The following SLC44A5 variants were observed in gnomAD, a reference collection of about 807,000 sequenced individuals.
SLC44A5 encodes the protein solute carrier family 44 member 5, also known as choline transporter-like protein 5.
In SLC44A5, 57 loss-of-function variants were observed where a neutral mutation model predicts 101.8. The ratio of observed to expected loss-of-function variants is 0.56; its 90% CI spans 0.45 to 0.70. The LOEUF is 0.70. SLC44A5 is among the 30% of genes least tolerant of loss of function. The pLI is 0.00. For synonymous variants in SLC44A5, 281 were observed against 290.9 expected, an observed-to-expected ratio of 0.97 and a Z score of 0.35; for missense variants, 737 against 853.1, an observed-to-expected ratio of 0.86 and a Z score of 1.70.
chr1:75,589,077 C>CA (rs1674191405), intron 1 of SLC44A5, among the ~76,000 whole-genome samples: 1 of 152,196 alleles, frequency 6.6e-6, no homozygotes, highest in Non-Finnish European at 1.5e-5. Flanking sequence ...GGAGGAACTG[C>CA]ATTCACGCGC....
At chr1:75,550,473 G>C (rs1671877971) in intron 1 of SLC44A5, among the ~76,000 whole-genome samples, 1 of 152,014 alleles carries the variant, frequency 6.6e-6, no homozygotes, top group African/African-American at 2.4e-5. Flanking sequence ...CACCAGTGAT[G>C]CTTGCAAAAC....
At chr1:75,333,697 TTAA>T (rs1346107941) in intron 4 of SLC44A5, among the ~76,000 whole-genome samples, 3 of 152,098 alleles carry the variant, frequency 2.0e-5, no homozygotes, top group Non-Finnish European at 4.4e-5. Context: ...AATAAAGAGA[TTAA>T]TGTGATCAGT....
chr1:75,705,042 T>C, the SLC44A5 span, among the ~76,000 whole-genome samples: 1 of 152,200 alleles, frequency 6.6e-6, no homozygotes, highest in Non-Finnish European at 1.5e-5. Context: ...TCAGCTGAGA[T>C]AATCATATGT....
At chr1:75,488,026 T>TACATAAGAAGCA (rs1491253394) in intron 2 of SLC44A5, among the ~76,000 whole-genome samples, 1 of 151,606 alleles carries the variant, frequency 6.6e-6, no homozygotes, top group East Asian at 1.9e-4. Context: ...GGGATCTACG[T>TACATAAGAAGCA]TGTATGCTTC....
At chr1:75,478,399 C>A (rs1667580786) in intron 2 of SLC44A5, among the ~76,000 whole-genome samples, 2 of 152,136 alleles carry the variant, frequency 1.3e-5, no homozygotes, top group South Asian at 4.1e-4. Flanking sequence ...TTCACAATAA[C>A]AATATTAACT....
At chr1:75,646,567 C>T in the SLC44A5 span, among the ~76,000 whole-genome samples, 1 of 152,052 alleles carries the variant, frequency 6.6e-6, no homozygotes, top group African/African-American at 2.4e-5. Context: ...AAATTGTAAT[C>T]CCCACATGTT....
At chr1:75,686,400 G>C in the SLC44A5 span, among the ~76,000 whole-genome samples, 2 of 152,324 alleles carry the variant, frequency 1.3e-5, no homozygotes, top group African/African-American at 4.8e-5. Context: ...CAGAGATGTA[G>C]ATGAAGTGAG....
At chr1:75,530,917 C>G (rs986151625) in intron 2 of SLC44A5, among the ~76,000 whole-genome samples, 2 of 152,098 alleles carry the variant, frequency 1.3e-5, no homozygotes, top group African/African-American at 4.8e-5. Flanking sequence ...GGCATTTGAA[C>G]AGAAAATTAA....
chr1:75,427,711 T>G (rs1664391529), intron 2 of SLC44A5, among the ~76,000 whole-genome samples: 1 of 152,214 alleles, frequency 6.6e-6, no homozygotes, highest in South Asian at 2.1e-4. Context: ...CCTCTATTTC[T>G]TATCTTTAAA....
At chr1:75,321,711 A>C (rs373717222) in intron 4 of SLC44A5, among the ~76,000 whole-genome samples, 26 of 152,366 alleles carry the variant, frequency 1.7e-4, no homozygotes, top group African/African-American at 5.8e-4. Context: ...TGCCTGATTT[A>C]TAAGTTTATT....
chr1:75,302,139 T>G (rs7520484), intron 4 of SLC44A5, among the ~76,000 whole-genome samples: 1 of 121,378 alleles, frequency 8.2e-6, no homozygotes, highest in Non-Finnish European at 1.8e-5. Context: ...TTTTTTTTGG[T>G]TAACAACCAT....
intron 2 of SLC44A5, among the ~76,000 whole-genome samples, chr1:75,404,068 G>A (rs1242120988): frequency 6.6e-6 from 1 of 151,870 alleles, no homozygotes; most frequent in African/African-American, 2.4e-5. Context: ...AGTATCAATA[G>A]CTGAACTGAT....
At chr1:75,208,492 G>GA (rs1242470281) in intron 23 of SLC44A5, among the ~76,000 whole-genome samples, 1 of 152,138 alleles carries the variant, frequency 6.6e-6, no homozygotes, top group African/African-American at 2.4e-5. Context: ...TTGTGAAGAA[G>GA]AAAAAAGAAT....
chr1:75,537,025 A>G (rs1162712751), intron 2 of SLC44A5, among the ~76,000 whole-genome samples: 33 of 27,682 alleles, frequency 1.2e-3, no homozygotes, highest in East Asian at 0.016. Flanking sequence ...AAAAAAAAAA[A>G]AAAAAAAAAT....
intron 1 of SLC44A5, among the ~76,000 whole-genome samples, chr1:75,589,274 G>T (rs1378093974): frequency 6.6e-6 from 1 of 152,142 alleles, no homozygotes; most frequent in Non-Finnish European, 1.5e-5. Context: ...CCAGAGTGCT[G>T]GCTATGTGAC....
chr1:75,315,405 A>T (rs1655615544), intron 4 of SLC44A5, among the ~76,000 whole-genome samples: 1 of 152,140 alleles, frequency 6.6e-6, no homozygotes, highest in Non-Finnish European at 1.5e-5. Context: ...TAGGCAGAAC[A>T]CCACAATATA....
At chr1:75,707,967 T>A in the SLC44A5 span, among the ~76,000 whole-genome samples, 6 of 152,176 alleles carry the variant, frequency 3.9e-5, no homozygotes, top group East Asian at 7.7e-4. Context: ...AGGTAACTTG[T>A]ATGGTATTTG....
At chr1:75,635,770 C>A in the SLC44A5 span, among the ~76,000 whole-genome samples, 1 of 150,904 alleles carries the variant, frequency 6.6e-6, no homozygotes, top group East Asian at 2.0e-4. Context: ...AACTAACCTG[C>A]ACATTGTGCA....
chr1:75,571,689 G>T (rs2102038650), intron 1 of SLC44A5, among the ~76,000 whole-genome samples: 1 of 152,316 alleles, frequency 6.6e-6, no homozygotes, highest in African/African-American at 2.4e-5. Context: ...ATGTTTGGTA[G>T]GTTAGGTGTA....
Sources: allele counts gnomAD v4.1 joint callset (sites outside exome capture counted in the v4.1 genomes callset), GRCh38; gene constraint gnomAD v4.1.1; transcripts MANE v1.5; gene names NCBI Gene and HGNC (gene_info 2026-07-23, HGNC 2026-07-21).